Variants in NCAM2 observed in about 807,000 individuals in gnomAD.
NCAM2 encodes neural cell adhesion molecule 2.
Under a neutral mutation model 98.1 loss-of-function variants are expected in NCAM2, and 30 were observed. That is an observed-to-expected ratio of 0.31 (90% CI 0.23 to 0.41). The LOEUF (loss-of-function observed/expected upper bound fraction) is 0.41, where lower values mean the gene tolerates loss of function less well. Among genes scored for constraint, NCAM2 ranks in the 10% least tolerant of loss-of-function variants. The probability of loss-of-function intolerance (pLI) is 1.00; values close to 1 mark genes in which losing one functional copy is unlikely to be tolerated. For synonymous variants in NCAM2, 368 were observed against 342.4 expected, an observed-to-expected ratio of 1.07 and a Z score of -0.83; for missense variants, 867 against 1,005.8, an observed-to-expected ratio of 0.86 and a Z score of 1.87.
At chr21:21,410,509 TCTA>T (rs1318330047) in intron 10 of NCAM2, 48 bp downstream of exon 10, 1 of 1,079,412 alleles carries the variant, frequency 9.3e-7, no homozygotes, top group Non-Finnish European at 1.3e-6. Context: ...TTAACAACTA[TCTA>T]CTATTTCAGA....
chr21:21,472,973 C>A (rs1416666815), intron 14 of NCAM2, among the ~76,000 whole-genome samples: 1 of 116,386 alleles, frequency 8.6e-6, no homozygotes, highest in Non-Finnish European at 1.7e-5. Context: ...TATGTACACA[C>A]ACACACACAC....
chr21:21,016,318 T>C (rs994391726), intron 1 of NCAM2, among the ~76,000 whole-genome samples: 4 of 152,192 alleles, frequency 2.6e-5, no homozygotes, highest in Non-Finnish European at 4.4e-5. Flanking sequence ...AAAAGACCAT[T>C]TTTGACAAAG....
At chr21:21,232,051 CT>C (rs1247863487) in intron 1 of NCAM2, among the ~76,000 whole-genome samples, 2 of 151,368 alleles carry the variant, frequency 1.3e-5, no homozygotes, top group Non-Finnish European at 3.0e-5. Context: ...TTCCACCTCA[CT>C]CTTAAAGATA....
chr21:21,077,587 G>A (rs1008448166), intron 1 of NCAM2, among the ~76,000 whole-genome samples: 8 of 152,044 alleles, frequency 5.3e-5, no homozygotes, highest in Admixed American at 6.6e-5. Context: ...TGTTAGCAAT[G>A]CAAATTTTAT....
chr21:21,382,366 A>G (rs2076170969), intron 9 of NCAM2, among the ~76,000 whole-genome samples: 1 of 152,012 alleles, frequency 6.6e-6, no homozygotes, highest in Non-Finnish European at 1.5e-5. Flanking sequence ...CAGGCTCATG[A>G]TATACTTTTC....
At chr21:21,434,690 A>G (rs2077430295) in intron 12 of NCAM2, among the ~76,000 whole-genome samples, 1 of 152,190 alleles carries the variant, frequency 6.6e-6, no homozygotes, top group Non-Finnish European at 1.5e-5. Context: ...AAAAAGTTCA[A>G]TATTGTTGGT....
At chr21:21,508,748 G>C in intron 15 of NCAM2, 103 bp from the exon 16 acceptor site, 1 of 864,922 alleles carries the variant, frequency 1.2e-6, no homozygotes. Flanking sequence ...TATTGGAAAA[G>C]ATTTATTTTT....
At chr21:21,282,888 T>C (rs1245679155) in intron 2 of NCAM2, among the ~76,000 whole-genome samples, 1 of 151,802 alleles carries the variant, frequency 6.6e-6, no homozygotes. Flanking sequence ...AAACTGTTAA[T>C]GAAAATGAAA....
rs768227494 is a variant in NCAM2, at chr21:21,335,538, C to T, written c.771C>T (p.Tyr257=). 5.0e-6 allele frequency: 8 copies of T among 1,603,566 alleles called. No individual in the cohort carries two copies. Among genetic ancestry groups the T allele is most frequent in the Non-Finnish European group, 1.7e-6 (2 of 1,175,054 alleles). Residue 257 remains tyrosine, a synonymous_variant, in exon 7 of 18, where the codon TAC becomes TAT. Coordinates refer to ENST00000400546, the MANE Select transcript of NCAM2 (RefSeq NM_004540.5). The stretch of plus-strand genomic sequence containing the variant: ...AGCTCATTGAAGAAAATGAGAAGTA[C>T]ATATTGAAAGGGAGCAATACAGAAC... The part of the protein sequence containing the change: ...NGKLIEENEK[Y]ILKGSNTELT...
intron 12 of NCAM2, among the ~76,000 whole-genome samples, chr21:21,445,506 T>TGTGG (rs932623125): frequency 1.3e-5 from 2 of 152,284 alleles, no homozygotes; most frequent in Admixed American, 6.5e-5. Context: ...GTTTTATGAA[T>TGTGG]GTGGGTGCTC....
chr21:21,409,906 C>G (rs774704541), intron 9 of NCAM2, among the ~76,000 whole-genome samples: 45 of 151,964 alleles, frequency 3.0e-4, no homozygotes, highest in Admixed American at 9.2e-4. Flanking sequence ...GTCAGGAGAT[C>G]GAGAATCACG....
At chr21:21,246,438 CAGAG>C (rs1362261336) in intron 1 of NCAM2, among the ~76,000 whole-genome samples, 1 of 151,916 alleles carries the variant, frequency 6.6e-6, no homozygotes, top group Non-Finnish European at 1.5e-5. Context: ...GATGATAAAT[CAGAG>C]AGAAGTAGAA....
intron 1 of NCAM2, among the ~76,000 whole-genome samples, chr21:21,095,721 G>T (rs2066108502): frequency 6.6e-6 from 1 of 151,490 alleles, no homozygotes. Flanking sequence ...AGTAAATTCG[G>T]AAAATACTGA....
At chr21:21,214,549 AG>A (rs1450679695) in intron 1 of NCAM2, among the ~76,000 whole-genome samples, 1 of 151,950 alleles carries the variant, frequency 6.6e-6, no homozygotes, top group Non-Finnish European at 1.5e-5. Flanking sequence ...GAGAAAATAC[AG>A]GATGTGCTAT....
intron 9 of NCAM2, among the ~76,000 whole-genome samples, chr21:21,387,290 C>T (rs768741865): frequency 3.3e-5 from 5 of 151,864 alleles, no homozygotes; most frequent in South Asian, 4.2e-4. Context: ...ACCCTCATAA[C>T]GTCACTTAAA....
chr21:21,084,657 G>C (rs903686976), intron 1 of NCAM2, among the ~76,000 whole-genome samples: 5 of 152,102 alleles, frequency 3.3e-5, no homozygotes, highest in African/African-American at 9.7e-5. Flanking sequence ...ATTTTTGCAT[G>C]TCATATATAT....
chr21:21,061,163 T>A (rs1440632842), intron 1 of NCAM2, among the ~76,000 whole-genome samples: 1 of 152,182 alleles, frequency 6.6e-6, no homozygotes, highest in Non-Finnish European at 1.5e-5. Context: ...TTCAGCTAAA[T>A]AGCATCAATC....
intron 1 of NCAM2, among the ~76,000 whole-genome samples, chr21:21,272,984 TACACAC>T (rs60333494): frequency 0.44 from 63,354 of 142,830 alleles, 14,623 homozygotes; most frequent in Non-Finnish European, 0.53. Context: ...TTCACACACA[TACACAC>T]ACACACACAC....
chr21:21,009,141 C>T (rs139070825), intron 1 of NCAM2, among the ~76,000 whole-genome samples: 4 of 152,116 alleles, frequency 2.6e-5, no homozygotes, highest in South Asian at 2.1e-4. Context: ...GGTAGAAGCC[C>T]GGCAAATATG....
Sources: gnomAD v4.1 joint callset for allele counts (sites outside exome capture counted in the v4.1 genomes callset) on GRCh38, gnomAD v4.1.1 for gene constraint, MANE v1.5 for transcripts, NCBI Gene and HGNC (gene_info 2026-07-23, HGNC 2026-07-21) for gene names.